LAMC2: variants seen among roughly 807,000 people sequenced by gnomAD.
LAMC2 encodes the protein laminin subunit gamma 2.
A neutral mutation model predicts 140.2 loss-of-function variants in LAMC2; 97 were observed. That is an observed-to-expected ratio of 0.69 (90% CI 0.59 to 0.82). The LOEUF (loss-of-function observed/expected upper bound fraction) is 0.82, where lower values mean the gene tolerates loss of function less well. Ranked by LOEUF, LAMC2 falls within the 40% of genes least tolerant of loss-of-function variation. The probability of loss-of-function intolerance (pLI) is 0.00; values close to 1 mark genes in which losing one functional copy is unlikely to be tolerated. For missense variants in LAMC2, 1,402 were observed against 1,476.1 expected (o/e 0.95, Z 0.82); for synonymous variants, 513 against 540.2 (o/e 0.95, Z 0.70).
chr1:183,234,834 T>C (rs1364732104), intron 15 of LAMC2, among the ~76,000 whole-genome samples: 2 of 152,090 alleles, frequency 1.3e-5, no homozygotes, highest in Non-Finnish European at 2.9e-5. Context: ...TTTTAGCCTG[T>C]GGGGGCCAAG....
In LAMC2 at chr1:183,228,401, G is replaced by A. The variant is rs1659696035; in HGVS notation, c.1496G>A (p.Gly499Asp). Reference protein sequence around the residue: ...TGARCELCADGYFGDPFGEHG... With the variant: ...TGARCELCADDYFGDPFGEHG... The stretch of plus-strand genomic sequence containing the variant: ...GCCCGCTGTGAGCTCTGTGCTGATG[G>A]CTACTTTGGGGACCCCTTTGGTGAA... The change falls in exon 11 of 23, where the codon GGC (glycine) becomes GAC (aspartate). Residue 499 changes from glycine to aspartate, a missense_variant. By Grantham distance (94) the Gly-to-Asp change is moderately conservative (BLOSUM62 -1). Coordinates refer to ENST00000264144, the MANE Select transcript of LAMC2 (RefSeq NM_005562.3). The surrounding 1 kb of genome is among the most constrained non-coding windows in gnomAD (Gnocchi z 4.3). 1.2e-6 allele frequency: 2 copies of A among 1,613,966 alleles called. No homozygotes were observed. Among genetic ancestry groups the A allele is most frequent in the African/African-American group, 2.7e-5 (2 of 74,884 alleles).
Position 183,243,223 on chromosome 1 carries a change from C to T in LAMC2, c.3405C>T (p.Asn1135=), listed in dbSNP as rs147699445. ...QKLSRAKTQI[N]SQLRPMMSEL... ...TTTCCCGAGCCAAGACCCAGATCAA[C>T]AGCCAACTGCGGCCCATGATGTCAG... is the stretch of plus-strand genomic sequence containing the variant. The change falls in exon 23 of 23, where the codon AAC becomes AAT. Residue 1135 remains asparagine (N), a synonymous_variant. Transcript: ENST00000264144. 1 of 1,614,140 alleles carries T rather than the reference C, an allele frequency of 6.2e-7. No individual in the cohort carries two copies. The highest frequency in any genetic ancestry group is 8.5e-7 in the Non-Finnish European group (1 of 1,180,024).
chr1:183,245,347 T>A (rs534023788), downstream of LAMC2, among the ~76,000 whole-genome samples: 1 of 152,352 alleles, frequency 6.6e-6, no homozygotes, highest in Non-Finnish European at 1.5e-5. Flanking sequence ...ATAGGTCTGG[T>A]CACTTTGCTT....
At position 183,228,480 on chromosome 1, in the gene LAMC2, C is replaced by T; in HGVS notation, c.1575C>T (p.Pro525=). ...QPCQCNNNVD[P]SASGNCDRLT... is the part of the protein sequence containing the mutation. ...GTCAATGCAACAACAATGTGGACCC[C>T]AGTGCCTCTGGGAATTGTGACCGGC... The change falls in exon 11 of 23, where the codon CCC becomes CCT. Residue 525 remains proline, a synonymous_variant. Coordinates refer to ENST00000264144, the MANE Select transcript of LAMC2 (RefSeq NM_005562.3). This position sits in a 1 kb window ranked among gnomAD's most constrained non-coding sequence, Gnocchi z 4.3. The T allele has an allele frequency of 6.2e-7, 1 of 1,613,978 alleles. No individual in the cohort carries two copies. The highest frequency in any genetic ancestry group is 1.1e-5 in the South Asian group (1 of 91,028).
Position 183,200,354 on chromosome 1 carries a change from C to A in LAMC2, c.80-7527C>A, listed in dbSNP as rs543088803. ...GCAGCAAGCCAAGATCGCGCCACTG[C>A]ACTCCAGCCTGGGCGACAGAACGAG... On this transcript the variant is annotated intron_variant, in intron 1 of 22. Coordinates refer to ENST00000264144, the MANE Select transcript of LAMC2 (RefSeq NM_005562.3). Among the ~76,000 whole-genome samples, 537 of 151,724 alleles carry A rather than the reference C, an allele frequency of 3.5e-3. 1 individual carries two copies. The highest frequency in any genetic ancestry group is 0.013 in the African/African-American group (524 of 41,386).
At chr1:183,202,062 T>C (rs1658723098) in intron 1 of LAMC2, among the ~76,000 whole-genome samples, 2 of 151,880 alleles carry the variant, frequency 1.3e-5, no homozygotes, top group Admixed American at 1.3e-4. Flanking sequence ...GGTATGGTGG[T>C]ACATGCCTGT....
chr1:183,239,873 G>T (rs962949356), intron 20 of LAMC2, 167 bp from the exon 21 acceptor site: 12 of 804,218 alleles, frequency 1.5e-5, no homozygotes, highest in Non-Finnish European at 2.1e-5. Context: ...GTTTGAGGCA[G>T]AGCTTGGCAA....
chr1:183,199,981 T>C (rs1658653952), intron 1 of LAMC2, among the ~76,000 whole-genome samples: 1 of 152,240 alleles, frequency 6.6e-6, no homozygotes, highest in Non-Finnish European at 1.5e-5. Context: ...GAAGTTTGGA[T>C]TTTTAATTTT....
At chr1:183,238,525 A>G in intron 19 of LAMC2, 104 bp downstream of exon 19, 2 of 744,954 alleles carry the variant, frequency 2.7e-6, no homozygotes, top group Non-Finnish European at 4.9e-6. Flanking sequence ...GTATATTGGG[A>G]TATTAATAGA....
At chr1:183,201,107 T>C (rs559240596) in intron 1 of LAMC2, among the ~76,000 whole-genome samples, 1 of 152,106 alleles carries the variant, frequency 6.6e-6, no homozygotes, top group South Asian at 2.1e-4. Context: ...TGGAGGGAGC[T>C]GGAGTGAGGG....
chr1:183,201,279 T>C (rs1658697901), intron 1 of LAMC2, among the ~76,000 whole-genome samples: 2 of 152,064 alleles, frequency 1.3e-5, no homozygotes, highest in African/African-American at 4.8e-5. Context: ...TCAGATCTGT[T>C]CAGGGTTTGA....
At chr1:183,249,368 C>T (rs904903660), downstream of LAMC2, 1 of 152,132 alleles carries the variant, frequency 6.6e-6, no homozygotes, top group African/African-American at 2.4e-5. Flanking sequence ...ACATCAGCCA[C>T]TTTCAGAAAA....
intron 1 of LAMC2, among the ~76,000 whole-genome samples, chr1:183,204,873 A>C (rs995083735): frequency 5.9e-5 from 9 of 151,960 alleles, no homozygotes; most frequent in African/African-American, 1.9e-4. Context: ...CCCACAGTAG[A>C]GTGCAATGGC....
chr1:183,206,591 G>A (rs1421201009), intron 1 of LAMC2, among the ~76,000 whole-genome samples: 2 of 150,448 alleles, frequency 1.3e-5, no homozygotes, highest in African/African-American at 4.9e-5. Context: ...GTTTCAGTGA[G>A]CTGAGATCAT....
intron 1 of LAMC2, among the ~76,000 whole-genome samples, chr1:183,201,915 G>A (rs1358142881): frequency 2.0e-5 from 3 of 152,274 alleles, no homozygotes; most frequent in East Asian, 3.9e-4. Context: ...ATTAAAAATG[G>A]CTAACTTGAA....
intron 1 of LAMC2, among the ~76,000 whole-genome samples, chr1:183,200,487 G>T (rs547254168): frequency 5.9e-5 from 9 of 152,240 alleles, no homozygotes; most frequent in Non-Finnish European, 2.9e-5. Context: ...TGCCTCAAAA[G>T]GGCACTGTTT....
At chr1:183,201,762 C>T (rs545844904) in intron 1 of LAMC2, among the ~76,000 whole-genome samples, 3 of 152,136 alleles carry the variant, frequency 2.0e-5, no homozygotes, top group Non-Finnish European at 4.4e-5. Context: ...TAAAATATTC[C>T]ATTGTATTTC....
At chr1:183,231,742 A>G (rs1417410898) in intron 12 of LAMC2, among the ~76,000 whole-genome samples, 3 of 152,258 alleles carry the variant, frequency 2.0e-5, no homozygotes, top group Non-Finnish European at 4.4e-5. Context: ...AGGCCCAAAC[A>G]GAACTCCAAA....
downstream of LAMC2, chr1:183,248,891 AGTGT>A (rs71555406): frequency 0.064 from 9,162 of 142,570 alleles, 301 homozygotes; most frequent in East Asian, 0.14. Context: ...CCCCTAAAAG[AGTGT>A]GTGTGTGTGT....
Sources: gnomAD v4.1 joint callset for allele counts (sites outside exome capture counted in the v4.1 genomes callset) on GRCh38, gnomAD v4.1.1 for gene constraint, Gnocchi (gnomAD v3.1) non-coding constraint, MANE v1.5 for transcripts, NCBI Gene and HGNC (gene_info 2026-07-23, HGNC 2026-07-21) for gene names.